RPS6KA2: variants seen among roughly 807,000 people sequenced by gnomAD.
RPS6KA2 encodes the protein ribosomal protein S6 kinase A2.
A neutral mutation model predicts 91.8 loss-of-function variants in RPS6KA2; 42 were observed. That is an observed-to-expected ratio of 0.46 (90% CI 0.36 to 0.59). RPS6KA2 has a LOEUF of 0.59. Among genes scored for constraint, RPS6KA2 ranks in the 20% least tolerant of loss-of-function variants. The pLI is 0.00. For synonymous variants in RPS6KA2, 414 were observed against 393.6 expected, an observed-to-expected ratio of 1.05 and a Z score of -0.61; for missense variants, 798 against 978.5, an observed-to-expected ratio of 0.82 and a Z score of 2.46.
intron 1 of RPS6KA2, among the ~76,000 whole-genome samples, chr6:166,597,680 G>A (rs552817871): frequency 6.6e-6 from 1 of 152,338 alleles, no homozygotes; most frequent in South Asian, 2.1e-4. Flanking sequence ...CTGTAGGCAA[G>A]CCAAAATTTT....
chr6:166,683,504 TATTA>T (rs1788902223), intron 2 of RPS6KA2, among the ~76,000 whole-genome samples: 1 of 152,250 alleles, frequency 6.6e-6, no homozygotes, highest in African/African-American at 2.4e-5. Context: ...TAAATTACTT[TATTA>T]GTTACTTGTG....
Position 166,422,180 on chromosome 6 carries a change from G to A in RPS6KA2, c.1743+1076C>T, listed in dbSNP as rs1052178976. 2.0e-5 allele frequency among the ~76,000 whole-genome samples: 3 copies of A among 152,176 alleles called. No individual in the cohort carries two copies. The East Asian group carries it at 5.8e-4, about 29-fold the overall frequency. ...CTCCCAAAGTGCTGGGATTACAGGC[G>A]TGAGCCACCGCACCCAGCCAAACTT... On this transcript the variant is annotated intron_variant, in intron 17 of 20. Transcript: ENST00000265678.
chr6:166,654,417 C>CT (rs1264157108), intron 2 of RPS6KA2, among the ~76,000 whole-genome samples: 2 of 151,276 alleles, frequency 1.3e-5, no homozygotes, highest in Non-Finnish European at 2.9e-5. Context: ...ACGGGCCCCA[C>CT]TGCCAGCCGG....
chr6:166,757,607 C>A (rs1013388730), intron 2 of RPS6KA2: 2 of 456,238 alleles, frequency 4.4e-6, no homozygotes, highest in African/African-American at 2.0e-5. Context: ...GGGGGCCGGG[C>A]TCCCCTTGCC....
At position 166,480,377 on chromosome 6, in the gene RPS6KA2, G is replaced by A. The variant is rs917415375; in HGVS notation, c.907+8456C>T. Among the ~76,000 whole-genome samples the A allele has an allele frequency of 4.0e-5, 6 of 151,172 alleles. No individual in the cohort carries two copies. The South Asian group carries it at 1.0e-3, about 26-fold the overall frequency. ...AGCAACAAGTGCCGAACTTTCAATAGCCCCTTCGTAAGACAGGGAGGGCTT... is the reference window on the plus strand; with the variant it reads ...AGCAACAAGTGCCGAACTTTCAATAACCCCTTCGTAAGACAGGGAGGGCTT... On this transcript the variant is annotated intron_variant, in intron 10 of 20. Transcript: ENST00000265678.
At chr6:166,426,452 C>T (rs896371448) in intron 16 of RPS6KA2, among the ~76,000 whole-genome samples, 1 of 95,606 alleles carries the variant, frequency 1.0e-5, no homozygotes, top group Non-Finnish European at 2.1e-5. Context: ...TAACTAAAAT[C>T]AGAGCAGAAC....
At chr6:166,650,306 T>C (rs1787811797) in intron 2 of RPS6KA2, among the ~76,000 whole-genome samples, 1 of 152,048 alleles carries the variant, frequency 6.6e-6, no homozygotes, top group Non-Finnish European at 1.5e-5. Flanking sequence ...TTCATAGACA[T>C]TGAAACAATA....
At chr6:166,617,332 A>C (rs1786450521) in intron 1 of RPS6KA2, among the ~76,000 whole-genome samples, 1 of 152,236 alleles carries the variant, frequency 6.6e-6, no homozygotes, top group Non-Finnish European at 1.5e-5. Context: ...ATAGTTTCTC[A>C]ATCTTTTAAG....
intron 11 of RPS6KA2, among the ~76,000 whole-genome samples, chr6:166,464,249 C>G (rs1268640768): frequency 6.6e-6 from 1 of 152,166 alleles, no homozygotes; most frequent in South Asian, 2.1e-4. Context: ...AAGTTCAGGG[C>G]ACACCCCACG....
At chr6:166,569,063 G>A (rs529354153) in intron 1 of RPS6KA2, among the ~76,000 whole-genome samples, 3 of 152,294 alleles carry the variant, frequency 2.0e-5, no homozygotes, top group South Asian at 2.1e-4. Context: ...TAACAAAGAA[G>A]GGTATTGGGA....
At chr6:166,754,075 A>G (rs565920481) in intron 2 of RPS6KA2, among the ~76,000 whole-genome samples, 5 of 152,348 alleles carry the variant, frequency 3.3e-5, no homozygotes, top group Admixed American at 2.6e-4. Flanking sequence ...CCCGAGGTGC[A>G]TGCAGTGATG....
intron 2 of RPS6KA2, among the ~76,000 whole-genome samples, chr6:166,775,944 C>T (rs556708350): frequency 1.2e-4 from 19 of 152,110 alleles, no homozygotes; most frequent in Admixed American, 6.5e-4. Context: ...AAGACAGACA[C>T]GCGTGGAGGG....
intron 2 of RPS6KA2, among the ~76,000 whole-genome samples, chr6:166,712,273 G>C (rs1789884813): frequency 6.6e-6 from 1 of 152,220 alleles, no homozygotes; most frequent in African/African-American, 2.4e-5. Context: ...ACTCTCATCT[G>C]GTGGTGAGGG....
rs766805003 is a variant in RPS6KA2 at position 166,419,930 on chromosome 6, G to A, written c.1772C>T (p.Ala591Val). Residue 591 changes from alanine (A) to valine (V), a missense_variant, in exon 18 of 21, where the codon GCG becomes GTG. Coordinates refer to ENST00000265678, the MANE Select transcript of RPS6KA2 (RefSeq NM_021135.6). The surrounding 1 kb of genome is among the most constrained non-coding windows in gnomAD (Gnocchi z 5.6). ...EVLKRQGYDA[A>V]CDIWSLGILL... ...GATCCCCAAACTCCAGATGTCACAC[G>A]CCGCATCATAGCCTTGACGCTTCAG... 8.7e-6 allele frequency: 14 copies of A among 1,613,776 alleles called. No homozygotes were observed. The African/African-American group carries it at 1.2e-4, about 14-fold the overall frequency.
intron 1 of RPS6KA2, among the ~76,000 whole-genome samples, chr6:166,575,834 C>T (rs540528789): frequency 6.6e-6 from 1 of 152,214 alleles, no homozygotes; most frequent in South Asian, 2.1e-4. Context: ...GCAATCTATT[C>T]ATTTCACATG....
At chr6:166,742,729 G>A (rs1310894350) in intron 2 of RPS6KA2, among the ~76,000 whole-genome samples, 2 of 152,154 alleles carry the variant, frequency 1.3e-5, no homozygotes, top group Non-Finnish European at 2.9e-5. Context: ...TACTCATAAT[G>A]TCTGCTCAAT....
At chr6:166,591,139 T>G (rs1785341494) in intron 1 of RPS6KA2, among the ~76,000 whole-genome samples, 1 of 152,186 alleles carries the variant, frequency 6.6e-6, no homozygotes, top group Non-Finnish European at 1.5e-5. Flanking sequence ...CATTTCACAG[T>G]CGCCCAGGCA....
At chr6:166,565,299 G>T (rs906247325) in intron 1 of RPS6KA2, among the ~76,000 whole-genome samples, 1 of 152,236 alleles carries the variant, frequency 6.6e-6, no homozygotes, top group Admixed American at 6.5e-5. Context: ...ACAGCGAGGC[G>T]GTGGGGGCTG....
chr6:166,770,730 G>A lies in RPS6KA2; in HGVS notation c.123+87470C>T, dbSNP rs557839451. The A allele has an allele frequency of 2.9e-5, 24 of 827,886 alleles. No individual in the cohort carries two copies. The highest frequency in any genetic ancestry group is 1.2e-4 in the East Asian group (5 of 40,300). The allele number at this position is 827,886 out of a possible 1,614,324, so 51.3% of individuals were successfully genotyped here. A position where few individuals can be genotyped will look rare whatever the true frequency, so the allele number is the denominator to read the frequency against. On this transcript the variant is annotated intron_variant, in intron 2 of 21. Transcript: ENST00000503859. This position sits in a 1 kb window ranked among gnomAD's most constrained non-coding sequence, Gnocchi z 5.1. ...TGGTCCAGCCTTCTAAAAGCTCTTC[G>A]CACCTTGCCTTGCTGGACTCCGGGC...
Sources: gnomAD v4.1 joint callset for allele counts (sites outside exome capture counted in the v4.1 genomes callset) on GRCh38, gnomAD v4.1.1 for gene constraint, Gnocchi (gnomAD v3.1) non-coding constraint, MANE v1.5 for transcripts, NCBI Gene and HGNC (gene_info 2026-07-23, HGNC 2026-07-21) for gene names.